The following RNF214 variants were observed in gnomAD, a reference collection of about 807,000 sequenced individuals.
RNF214 encodes the protein ring finger protein 214.
A neutral mutation model predicts 75.9 loss-of-function variants in RNF214; 25 were observed. The observed-to-expected ratio is 0.33, with a 90% CI of 0.24 to 0.46. The LOEUF is 0.46. Among genes scored for constraint, RNF214 ranks in the 20% least tolerant of loss-of-function variants. RNF214 has a pLI of 1.00. For missense variants in RNF214, 725 were observed against 857.5 expected (o/e 0.85, Z 1.93); for synonymous variants, 314 against 308.8 (o/e 1.02, Z -0.18).
chr11:117,256,309 A>T (rs1374713480), intron 6 of RNF214, among the ~76,000 whole-genome samples: 2 of 152,222 alleles, frequency 1.3e-5, no homozygotes, highest in Non-Finnish European at 2.9e-5. Context: ...GTCACTGTGT[A>T]AAAATACCAC....
chr11:117,259,902 G>C (rs1485602481), intron 6 of RNF214, among the ~76,000 whole-genome samples: 1 of 151,826 alleles, frequency 6.6e-6, no homozygotes, highest in East Asian at 1.9e-4. Flanking sequence ...TGCATTTTTG[G>C]TGAAATAATG....
chr11:117,272,758 G>T (rs773129298), intron 6 of RNF214, among the ~76,000 whole-genome samples: 22 of 152,056 alleles, frequency 1.4e-4, no homozygotes, highest in Non-Finnish European at 2.9e-4. Context: ...GTTGTAAAGG[G>T]TAGAAAATAA....
intron 6 of RNF214, among the ~76,000 whole-genome samples, chr11:117,267,918 C>T (rs546484662): frequency 7.2e-5 from 11 of 152,162 alleles, no homozygotes; most frequent in African/African-American, 2.4e-4. Flanking sequence ...CTCACTAAGG[C>T]GGTAGAGAAA....
chr11:117,245,927 G>A (rs192566570), intron 5 of RNF214, among the ~76,000 whole-genome samples: 19 of 152,180 alleles, frequency 1.2e-4, no homozygotes, highest in Non-Finnish European at 2.4e-4. Context: ...GGGTGGAAGT[G>A]GTATGAAGTG....
chr11:117,255,519 A>AT (rs201207230), intron 6 of RNF214, among the ~76,000 whole-genome samples: 111 of 150,536 alleles, frequency 7.4e-4, no homozygotes, highest in African/African-American at 2.2e-3. Flanking sequence ...TTATTCTTTA[A>AT]TTTTTTTTTC....
chr11:117,272,973 T>G (rs1254024124), intron 6 of RNF214, among the ~76,000 whole-genome samples: 1 of 152,228 alleles, frequency 6.6e-6, no homozygotes, highest in African/African-American at 2.4e-5. Flanking sequence ...AAATTTAATA[T>G]TTATGCATTA....
rs1016772511 is a variant in RNF214 at position 117,286,302 on chromosome 11, C to T, written c.*1151C>T. On this transcript the variant is annotated 3_prime_UTR_variant, in exon 15 of 15. Coordinates refer to ENST00000300650, the MANE Select transcript of RNF214 (RefSeq NM_207343.4). Reference sequence around the variant, plus strand: ...TATCAGGAACTAGATCATTTTCCACCTCTGCTTATTGTACTTCTTAATTTT... The same window carrying T: ...TATCAGGAACTAGATCATTTTCCACTTCTGCTTATTGTACTTCTTAATTTT... 1 of 152,216 alleles carries T rather than the reference C, an allele frequency of 6.6e-6. No homozygotes were observed. Among genetic ancestry groups the T allele is most frequent in the East Asian group, 1.9e-4 (1 of 5,198 alleles). The allele number at this position is 152,216 out of a possible 1,614,324, so 9.4% of individuals were successfully genotyped here.
rs1192407716 is a variant in RNF214, at chr11:117,281,162, CAG to C, written c.1146-151_1146-150del. 7 of 552,036 alleles carry C rather than the reference CAG, an allele frequency of 1.3e-5. No homozygotes were observed. The East Asian group carries it at 2.0e-4, about 16-fold the overall frequency. 34.2% of individuals were successfully genotyped at this position (552,036 alleles called of 1,614,324 possible). On this transcript the variant is annotated intron_variant, in intron 8 of 14. Coordinates refer to ENST00000300650, the MANE Select transcript of RNF214 (RefSeq NM_207343.4). Reference sequence around the variant, plus strand: ...GCTAATTTTGCATTTTTTTAAGAGACAGGGTTTAGCCACATTGCCCAGGCTGG... The same window carrying C: ...GCTAATTTTGCATTTTTTTAAGAGACGGTTTAGCCACATTGCCCAGGCTGG...
intron 3 of RNF214, chr11:117,239,572 C>T: frequency 1.9e-6 from 1 of 535,252 alleles, no homozygotes; most frequent in East Asian, 3.3e-5. Flanking sequence ...TTGAGGCTTT[C>T]TCTCAGTCAG....
At chr11:117,254,988 T>C (rs1456293797) in intron 6 of RNF214, among the ~76,000 whole-genome samples, 1 of 152,132 alleles carries the variant, frequency 6.6e-6, no homozygotes, top group Non-Finnish European at 1.5e-5. Context: ...CAACTGTGTG[T>C]CTTGGGGCCA....
chr11:117,240,187 T>G (rs1189211977), intron 4 of RNF214, among the ~76,000 whole-genome samples: 1 of 151,370 alleles, frequency 6.6e-6, no homozygotes, highest in Non-Finnish European at 1.5e-5. Context: ...ACACCATGTC[T>G]ACAAAAAATA....
At chr11:117,246,704 A>C (rs2033234730) in intron 5 of RNF214, 105 bp from the exon 6 acceptor site, 3 of 1,172,612 alleles carry the variant, frequency 2.6e-6, no homozygotes, top group Non-Finnish European at 3.5e-6. Flanking sequence ...TGAATTCACT[A>C]AAGTCAATAC....
chr11:117,264,444 AG>A (rs1047295974), intron 6 of RNF214, among the ~76,000 whole-genome samples: 1 of 152,186 alleles, frequency 6.6e-6, no homozygotes, highest in Non-Finnish European at 1.5e-5. Context: ...AGTATGTCAA[AG>A]GGGTATATTT....
chr11:117,281,586 C>CTTTT lies in RNF214; in HGVS notation c.1237-6_1237-3dup. ...AGTCAGTTCAGCAGTAAAAATAATC[C>CTTTT]TTTTTTTTTTTAGGACCAATTTAAT... is the stretch of plus-strand genomic sequence containing the variant. On this transcript the variant is annotated splice_polypyrimidine_tract_variant and intron_variant, in intron 9 of 14. Transcript: ENST00000300650. The CTTTT allele has an allele frequency of 8.2e-7, 1 of 1,225,190 alleles. No individual in the cohort carries two copies. The highest frequency in any genetic ancestry group is 1.1e-6 in the Non-Finnish European group (1 of 878,236). 75.9% of individuals were successfully genotyped at this position (1,225,190 alleles called of 1,614,324 possible).
intron 8 of RNF214, among the ~76,000 whole-genome samples, chr11:117,281,029 C>T (rs1461297695): frequency 7.6e-6 from 1 of 130,744 alleles, no homozygotes; most frequent in Non-Finnish European, 1.5e-5. Flanking sequence ...CTCTGTTGTG[C>T]AGTGGTGCCA....
At position 117,238,641 on chromosome 11, in the gene RNF214, T is replaced by C. The variant is rs777851971; in HGVS notation, c.148T>C (p.Leu50=). 1 of 1,614,154 alleles carries C rather than the reference T, an allele frequency of 6.2e-7. No homozygotes were observed. Among genetic ancestry groups the C allele is most frequent in the East Asian group, 2.2e-5 (1 of 44,886 alleles). ...SAQKQKNSPL[L]SVSSQTITKE... is the part of the protein sequence containing the mutation. ...ACAGAAGCAGAAGAACTCGCCTCTG[T>C]TGAGTGTAAGTAGCCAAACAATAAC... Residue 50 remains leucine (L), a synonymous_variant, in exon 3 of 15, where the codon TTG becomes CTG. Coordinates refer to ENST00000300650, the MANE Select transcript of RNF214 (RefSeq NM_207343.4).
At chr11:117,281,859 T>A in intron 10 of RNF214, 35 bp from the exon 11 acceptor site, 1 of 1,594,276 alleles carries the variant, frequency 6.3e-7, no homozygotes, top group Non-Finnish European at 8.5e-7. Flanking sequence ...TTTTTCTTCC[T>A]TTCTCTCTCG....
chr11:117,262,613 C>T (rs1035831500), intron 6 of RNF214, among the ~76,000 whole-genome samples: 3 of 151,116 alleles, frequency 2.0e-5, no homozygotes, highest in African/African-American at 7.3e-5. Flanking sequence ...AACTCCTGGC[C>T]GCAAGTGATC....
chr11:117,286,301 C>T lies in RNF214; in HGVS notation c.*1150C>T, dbSNP rs1373268762. ...CTATCAGGAACTAGATCATTTTCCA[C>T]CTCTGCTTATTGTACTTCTTAATTT... On this transcript the variant is annotated 3_prime_UTR_variant, in exon 15 of 15. Transcript: ENST00000300650. 1 of 152,238 alleles carries T rather than the reference C, an allele frequency of 6.6e-6. No individual in the cohort carries two copies. The allele number at this position is 152,238 out of a possible 1,614,324, so 9.4% of individuals were successfully genotyped here.
Sources: allele counts gnomAD v4.1 joint callset (sites outside exome capture counted in the v4.1 genomes callset), GRCh38; gene constraint gnomAD v4.1.1; transcripts MANE v1.5; gene names NCBI Gene and HGNC (gene_info 2026-07-23, HGNC 2026-07-21).